PSD3: variants seen among roughly 807,000 people sequenced by gnomAD.
The protein encoded by PSD3 is pleckstrin and Sec7 domain containing 3.
A neutral mutation model predicts 105.5 loss-of-function variants in PSD3; 49 were observed. The ratio of observed to expected loss-of-function variants is 0.46; its 90% CI spans 0.37 to 0.59. The LOEUF is 0.59. PSD3 is among the 20% of genes least tolerant of loss of function. The pLI, the probability that PSD3 is intolerant of heterozygous loss-of-function variation, is 0.00. For missense variants in PSD3, 1,561 were observed against 1,263.8 expected, an observed-to-expected ratio of 1.24 and a Z score of -3.57; for synonymous variants, 557 against 457.8, an observed-to-expected ratio of 1.22 and a Z score of -2.77.
At chr8:19,041,220 T>C (rs1249083503) in intron 1 of PSD3, among the ~76,000 whole-genome samples, 1 of 152,162 alleles carries the variant, frequency 6.6e-6, no homozygotes, top group Admixed American at 6.5e-5. Flanking sequence ...ATATAGAACC[T>C]TCTTCATCTA....
At chr8:18,972,055 C>T (rs1197238320) in intron 1 of PSD3, among the ~76,000 whole-genome samples, 2 of 152,026 alleles carry the variant, frequency 1.3e-5, no homozygotes, top group Non-Finnish European at 2.9e-5. Flanking sequence ...GATTTAATGC[C>T]TATCATCCTA....
At chr8:18,558,536 T>G (rs1227619290) in intron 14 of PSD3, among the ~76,000 whole-genome samples, 1 of 152,152 alleles carries the variant, frequency 6.6e-6, no homozygotes, top group Non-Finnish European at 1.5e-5. Flanking sequence ...AATACAGAAG[T>G]GTAGCCGGGT....
At chr8:18,746,815 G>C (rs990529451) in intron 9 of PSD3, among the ~76,000 whole-genome samples, 3 of 152,164 alleles carry the variant, frequency 2.0e-5, no homozygotes, top group African/African-American at 7.2e-5. Context: ...TCCACTTTGA[G>C]TTTTCATGGA....
At chr8:18,953,382 C>T (rs11784426) in intron 1 of PSD3, among the ~76,000 whole-genome samples, 40,329 of 151,988 alleles carry the variant, frequency 0.27, 5,443 homozygotes, top group East Asian at 0.31. Flanking sequence ...CTCAAGGCAA[C>T]ACATATAAAT....
At chr8:18,644,119 G>A (rs937527960) in intron 10 of PSD3, among the ~76,000 whole-genome samples, 2 of 152,162 alleles carry the variant, frequency 1.3e-5, no homozygotes, top group African/African-American at 4.8e-5. Flanking sequence ...GTTTTCAGGG[G>A]TCATTCTCCC....
chr8:18,652,081 G>C (rs983194824), intron 10 of PSD3, among the ~76,000 whole-genome samples: 2 of 152,152 alleles, frequency 1.3e-5, no homozygotes, highest in African/African-American at 4.8e-5. Flanking sequence ...GGGTGTCAAA[G>C]ATGATGTAAA....
At chr8:18,619,643 C>G (rs984305442) in intron 11 of PSD3, among the ~76,000 whole-genome samples, 6 of 115,602 alleles carry the variant, frequency 5.2e-5, no homozygotes, top group African/African-American at 1.9e-4. Context: ...AACCTCATCT[C>G]AAAAAAAAAA....
At chr8:18,684,580 C>T (rs1304934585) in intron 9 of PSD3, among the ~76,000 whole-genome samples, 1 of 152,172 alleles carries the variant, frequency 6.6e-6, no homozygotes, top group Non-Finnish European at 1.5e-5. Flanking sequence ...AGGCCACACA[C>T]TGTTTGACAG....
chr8:19,059,080 C>T (rs1828803015), intron 1 of PSD3, among the ~76,000 whole-genome samples: 1 of 152,300 alleles, frequency 6.6e-6, no homozygotes, highest in South Asian at 2.1e-4. Context: ...CTGAACGCTG[C>T]CCATGGAAAT....
chr8:18,563,761 G>A (rs933285658), intron 14 of PSD3, among the ~76,000 whole-genome samples: 2 of 152,090 alleles, frequency 1.3e-5, no homozygotes, highest in African/African-American at 4.8e-5. Flanking sequence ...AACAATTAAG[G>A]CCACATCAAA....
intron 9 of PSD3, among the ~76,000 whole-genome samples, chr8:18,755,937 G>A (rs1043389952): frequency 2.2e-4 from 33 of 152,062 alleles, no homozygotes; most frequent in Non-Finnish European, 4.3e-4. Context: ...AGACCTCCAC[G>A]GGGAGGGCAG....
At chr8:18,565,051 C>G (rs532101191) in intron 14 of PSD3, among the ~76,000 whole-genome samples, 16 of 152,288 alleles carry the variant, frequency 1.1e-4, no homozygotes, top group African/African-American at 3.8e-4. Flanking sequence ...AGGGTAGGCA[C>G]AGGTTCCTAC....
At chr8:18,562,906 A>C (rs928953302) in intron 14 of PSD3, among the ~76,000 whole-genome samples, 3 of 16,806 alleles carry the variant, frequency 1.8e-4, no homozygotes, top group Non-Finnish European at 7.2e-4. Context: ...AAAAAGAAAA[A>C]GAAAAAGAAA....
chr8:18,683,627 C>A (rs1035460732), intron 9 of PSD3: 4 of 575,362 alleles, frequency 7.0e-6, no homozygotes, highest in Non-Finnish European at 1.3e-5. Flanking sequence ...TCCGTTTCAC[C>A]TGATCGCACC....
chr8:18,982,391 G>GT (rs1353011000), intron 1 of PSD3, among the ~76,000 whole-genome samples: 2 of 152,128 alleles, frequency 1.3e-5, no homozygotes, highest in African/African-American at 4.8e-5. Flanking sequence ...GTTCATGTTA[G>GT]TATTTTGATG....
At chr8:18,559,696 A>G (rs778152257) in intron 14 of PSD3, among the ~76,000 whole-genome samples, 5 of 152,128 alleles carry the variant, frequency 3.3e-5, no homozygotes, top group Non-Finnish European at 7.3e-5. Flanking sequence ...TAAAAGCTTT[A>G]GATTTAGGCT....
chr8:18,577,937 C>A (rs1802562817), intron 12 of PSD3, among the ~76,000 whole-genome samples: 1 of 151,962 alleles, frequency 6.6e-6, no homozygotes, highest in Non-Finnish European at 1.5e-5. Flanking sequence ...CAAGTATTTT[C>A]TTTAGGTAGG....
intron 9 of PSD3, among the ~76,000 whole-genome samples, chr8:18,694,916 T>G (rs718417): frequency 1.3e-5 from 2 of 152,038 alleles, no homozygotes; most frequent in African/African-American, 4.8e-5. Flanking sequence ...GGAGGAAAAT[T>G]ATAGCATAAA....
intron 9 of PSD3, among the ~76,000 whole-genome samples, chr8:18,711,150 G>A (rs895066240): frequency 1.3e-5 from 2 of 152,146 alleles, no homozygotes; most frequent in East Asian, 3.9e-4. Flanking sequence ...ACTGAATATG[G>A]AAAGGGAAAA....
Sources: gnomAD v4.1 joint callset for allele counts (sites outside exome capture counted in the v4.1 genomes callset) on GRCh38, gnomAD v4.1.1 for gene constraint, MANE v1.5 for transcripts, NCBI Gene and HGNC (gene_info 2026-07-23, HGNC 2026-07-21) for gene names.